MTFR1: variants seen among roughly 807,000 people sequenced by gnomAD.
MTFR1 encodes mitochondrial fission regulator 1, also known as chondrocyte protein with a poly-proline region.
In MTFR1, 28 loss-of-function variants were observed where a neutral mutation model predicts 38.8. The ratio of observed to expected loss-of-function variants is 0.72; its 90% confidence interval spans 0.53 to 0.99. The LOEUF (loss-of-function observed/expected upper bound fraction) is 0.99, where lower values mean the gene tolerates loss of function less well. Among genes scored for constraint, MTFR1 ranks in the 50% least tolerant of loss-of-function variants. The pLI is 0.00. For missense variants in MTFR1, 358 were observed against 395.5 expected (o/e 0.91, Z 0.81); for synonymous variants, 145 against 137.0 (o/e 1.06, Z -0.41).
chr8:65,655,681 G>A (rs956351565), intron 1 of MTFR1, among the ~76,000 whole-genome samples: 2 of 151,790 alleles, frequency 1.3e-5, no homozygotes, highest in Admixed American at 6.6e-5. Flanking sequence ...AAGGTGCAGT[G>A]GCTAAAGGCT....
In MTFR1 at chr8:65,752,582, T is replaced by C. The variant is rs76936614; in HGVS notation, c.*49-18365T>C. Among the ~76,000 whole-genome samples the C allele has an allele frequency of 0.012, 1,900 of 152,272 alleles. 90 individuals carry two copies. In the East Asian group the frequency reaches 0.13, roughly 11 times the overall value. ...TTTTGTATGGCCGCCCACAGAATTC[T>C]TTCTTTCTCTTTAAAGGCCAATTAC... On this transcript the variant is annotated intron_variant, in intron 3 of 3. Transcript: ENST00000521247.
chr8:65,757,875 C>T (rs896742633), intron 3 of MTFR1, among the ~76,000 whole-genome samples: 1 of 152,174 alleles, frequency 6.6e-6, no homozygotes, highest in African/African-American at 2.4e-5. Context: ...CCTTGGCCTC[C>T]CAAAGTGCTG....
chr8:65,735,294 C>G (rs749476502), intron 3 of MTFR1, among the ~76,000 whole-genome samples: 10 of 152,106 alleles, frequency 6.6e-5, no homozygotes, highest in Non-Finnish European at 1.2e-4. Context: ...TTTAAAATAG[C>G]CTTTCAGTAC....
intron 1 of MTFR1, among the ~76,000 whole-genome samples, chr8:65,667,048 G>A (rs1416706709): frequency 6.6e-6 from 1 of 152,128 alleles, no homozygotes; most frequent in African/African-American, 2.4e-5. Flanking sequence ...CTGAGGTGGT[G>A]GATCGCCTGA....
intron 3 of MTFR1, among the ~76,000 whole-genome samples, chr8:65,738,149 CT>C (rs1226429664): frequency 6.9e-6 from 1 of 144,002 alleles, no homozygotes; most frequent in African/African-American, 2.7e-5. Flanking sequence ...AGCATTATGT[CT>C]TTAAAAAAAA....
At chr8:65,739,587 T>A (rs1166197976) in intron 3 of MTFR1, 1 of 1,527,822 alleles carries the variant, frequency 6.5e-7, no homozygotes, top group Non-Finnish European at 8.7e-7. Flanking sequence ...TTAAGCTTAC[T>A]AGACTATTTC....
At chr8:65,713,439 A>AACACACACACACACACAC (rs144454204), downstream of MTFR1, among the ~76,000 whole-genome samples, 111 of 137,548 alleles carry the variant, frequency 8.1e-4, no homozygotes, top group Middle Eastern at 3.6e-3. Flanking sequence ...TCCCATCTCA[A>AACACACACACACACACAC]ACACACACAC....
At chr8:65,768,769 C>T (rs1479518752) in intron 3 of MTFR1, among the ~76,000 whole-genome samples, 2 of 152,074 alleles carry the variant, frequency 1.3e-5, no homozygotes, top group Non-Finnish European at 2.9e-5. Context: ...GTAAAAAATC[C>T]CTTTCTCAAA....
exon 4 of MTFR1, chr8:65,771,095 A>G (rs1365995028): frequency 3.0e-6 from 1 of 335,158 alleles, no homozygotes; most frequent in Non-Finnish European, 5.9e-6. Context: ...TGTGGCATCT[A>G]CATAATAAAA....
intron 1 of MTFR1, among the ~76,000 whole-genome samples, chr8:65,654,649 C>T (rs982110991): frequency 3.3e-5 from 5 of 152,136 alleles, no homozygotes; most frequent in African/African-American, 9.7e-5. Context: ...GCACTGATAG[C>T]TCATTGTAAC....
intron 3 of MTFR1, among the ~76,000 whole-genome samples, chr8:65,769,503 C>T (rs1050527465): frequency 3.9e-5 from 6 of 152,178 alleles, no homozygotes; most frequent in Admixed American, 2.6e-4. Flanking sequence ...TGTGTAACCA[C>T]GAATACAAGT....
chr8:65,735,017 G>T (rs987503324), intron 3 of MTFR1: 1 of 646,464 alleles, frequency 1.5e-6, no homozygotes. Flanking sequence ...AAATCGTGCC[G>T]ATTCGGGCAG....
intron 2 of MTFR1, among the ~76,000 whole-genome samples, chr8:65,677,728 G>A (rs1359814014): frequency 6.6e-6 from 1 of 150,964 alleles, no homozygotes; most frequent in East Asian, 2.0e-4. Context: ...AATGAAATTG[G>A]ATTATCTTGC....
intron 1 of MTFR1, among the ~76,000 whole-genome samples, chr8:65,666,451 T>C (rs1320027070): frequency 6.6e-6 from 1 of 152,214 alleles, no homozygotes; most frequent in African/African-American, 2.4e-5. Flanking sequence ...AATAGGTTTT[T>C]CAAACTACTC....
At chr8:65,747,548 C>T (rs1280820120) in intron 3 of MTFR1, 2 of 653,876 alleles carry the variant, frequency 3.1e-6, no homozygotes, top group Non-Finnish European at 4.7e-6. Flanking sequence ...AACTGCTTTT[C>T]ATAGACAGAG....
intron 2 of MTFR1, among the ~76,000 whole-genome samples, chr8:65,715,938 A>G (rs1479252420): frequency 1.4e-5 from 2 of 140,296 alleles, no homozygotes; most frequent in Admixed American, 1.5e-4. Context: ...CGGAACTTGC[A>G]GTGAGCCAAT....
chr8:65,730,420 T>TCCA (rs1806833080), intron 3 of MTFR1, among the ~76,000 whole-genome samples: 1 of 151,658 alleles, frequency 6.6e-6, no homozygotes. Context: ...CCTCAGGTGA[T>TCCA]CCACCTGCCT....
At chr8:65,664,438 G>A (rs1301398400) in intron 1 of MTFR1, among the ~76,000 whole-genome samples, 1 of 152,010 alleles carries the variant, frequency 6.6e-6, no homozygotes, top group African/African-American at 2.4e-5. Context: ...GAATAGTGGT[G>A]GTTAGACAGG....
intron 4 of MTFR1, among the ~76,000 whole-genome samples, chr8:65,702,230 C>G (rs768114600): frequency 1.3e-5 from 2 of 151,836 alleles, no homozygotes; most frequent in Admixed American, 6.6e-5. Context: ...TTGTCTTTAT[C>G]CAGCCACTTG....
Sources: allele counts gnomAD v4.1 joint callset (sites outside exome capture counted in the v4.1 genomes callset), GRCh38; gene constraint gnomAD v4.1.1; transcripts MANE v1.5; gene names NCBI Gene and HGNC (gene_info 2026-07-23, HGNC 2026-07-21).